The following RGS7BP variants were observed in gnomAD, a reference collection of about 807,000 sequenced individuals.
The protein encoded by RGS7BP is regulator of G protein signaling 7 binding protein, also known as regulator of G protein signaling 7-binding protein.
RGS7BP carries 9 observed loss-of-function variants against 31.3 expected under a neutral mutation model. That is an observed-to-expected ratio of 0.29 (90% CI 0.17 to 0.50). The LOEUF (loss-of-function observed/expected upper bound fraction) is 0.50, where lower values mean the gene tolerates loss of function less well. RGS7BP is among the 20% of genes least tolerant of loss of function. The pLI is 0.98. For synonymous variants in RGS7BP, 115 were observed against 120.1 expected (o/e 0.96, Z 0.28); for missense variants, 274 against 322.0 (o/e 0.85, Z 1.14).
At chr5:64,559,757 G>A (rs1180794237) in intron 2 of RGS7BP, among the ~76,000 whole-genome samples, 1 of 152,150 alleles carries the variant, frequency 6.6e-6, no homozygotes, top group East Asian at 1.9e-4. Context: ...GCCAGGTGCT[G>A]AGCATCCTTC....
In RGS7BP at chr5:64,575,975, G is replaced by A. The variant is rs555715670; in HGVS notation, c.463+71G>A. 844 of 1,369,768 alleles carry A rather than the reference G, an allele frequency of 6.2e-4. 3 individuals are homozygous for A. The highest frequency in any genetic ancestry group is 1.2e-3 in the Middle Eastern group (5 of 4,200). 84.9% of individuals were successfully genotyped at this position (1,369,768 alleles called of 1,614,324 possible). ...AAAGCTAATCTTTGGCAAAGTGTCCGTATATACCATATCATATGCCTATCT... is the reference window on the plus strand; with the variant it reads ...AAAGCTAATCTTTGGCAAAGTGTCCATATATACCATATCATATGCCTATCT... On this transcript the variant is annotated intron_variant, in intron 3 of 5. Transcript: ENST00000334025.
intron 2 of RGS7BP, among the ~76,000 whole-genome samples, chr5:64,562,484 T>A (rs938778195): frequency 1.3e-5 from 2 of 152,082 alleles, no homozygotes; most frequent in African/African-American, 4.8e-5. Flanking sequence ...TTGTAAGTAA[T>A]GAAATTAAGA....
intron 2 of RGS7BP, among the ~76,000 whole-genome samples, chr5:64,514,710 A>T (rs2111882969): frequency 6.6e-6 from 1 of 152,272 alleles, no homozygotes; most frequent in East Asian, 1.9e-4. Context: ...CTAACAATCC[A>T]CACCCGGGGT....
rs116911110 is a variant in RGS7BP, at chr5:64,509,416, T to C, written c.332+1539T>C. Among the ~76,000 whole-genome samples, 93 of 152,274 alleles carry C rather than the reference T, an allele frequency of 6.1e-4. No individual in the cohort carries two copies. In the East Asian group the frequency reaches 0.017, roughly 28 times the overall value. On this transcript the variant is annotated intron_variant, in intron 2 of 5. Transcript: ENST00000334025. ...AATGAGAACATGTTCTAATCAGAGA[T>C]GGTGGGCTGGAGGAATGAACAAGGA...
chr5:64,526,986 G>A (rs1018093286), intron 2 of RGS7BP, among the ~76,000 whole-genome samples: 1 of 152,132 alleles, frequency 6.6e-6, no homozygotes, highest in Non-Finnish European at 1.5e-5. Flanking sequence ...ACATAAAGAA[G>A]CACTTCTCTT....
Position 64,598,064 on chromosome 5 carries a change from G to A in RGS7BP, c.612-301G>A, listed in dbSNP as rs183470623. Among the ~76,000 whole-genome samples, 126 of 152,242 alleles carry A rather than the reference G, an allele frequency of 8.3e-4. 2 individuals are homozygous for A. In the Middle Eastern group the frequency reaches 0.014, roughly 16 times the overall value. On this transcript the variant is annotated intron_variant, in intron 4 of 5. Transcript: ENST00000334025. The stretch of plus-strand genomic sequence containing the variant: ...TTTGCAAATCTAAAGCACTGTCCTC[G>A]TGACCAATGGCTCTTCTCTGATCTC...
At chr5:64,555,927 C>T (rs1741912539) in intron 2 of RGS7BP, among the ~76,000 whole-genome samples, 2 of 152,046 alleles carry the variant, frequency 1.3e-5, no homozygotes, top group African/African-American at 2.4e-5. Flanking sequence ...ATTCCTTAGC[C>T]ACATGAAGCT....
chr5:64,550,464 C>CTTTTATTATATGTTAAG (rs1238954483), intron 2 of RGS7BP, among the ~76,000 whole-genome samples: 2 of 152,200 alleles, frequency 1.3e-5, no homozygotes, highest in African/African-American at 4.8e-5. Context: ...TCTAAATACC[C>CTTTTATTATATGTTAAG]CATCTCCAAA....
At chr5:64,534,156 C>T (rs528141213) in intron 2 of RGS7BP, among the ~76,000 whole-genome samples, 3 of 152,096 alleles carry the variant, frequency 2.0e-5, no homozygotes, top group Non-Finnish European at 4.4e-5. Flanking sequence ...GCCAGCCATG[C>T]GAAGATCTGG....
At chr5:64,524,996 G>A (rs1006568488) in intron 2 of RGS7BP, among the ~76,000 whole-genome samples, 7 of 152,032 alleles carry the variant, frequency 4.6e-5, no homozygotes, top group African/African-American at 1.4e-4. Context: ...TTGAGAAAGT[G>A]CCACTCATAA....
At chr5:64,586,557 C>T (rs1384853464) in intron 3 of RGS7BP, among the ~76,000 whole-genome samples, 1 of 152,316 alleles carries the variant, frequency 6.6e-6, no homozygotes. Context: ...TGGGCCAATG[C>T]CCACTCAATG....
rs111905253 is a variant in RGS7BP at position 64,536,120 on chromosome 5, T to G, written c.332+28243T>G. 4.3e-4 allele frequency among the ~76,000 whole-genome samples: 66 copies of G among 152,266 alleles called. 1 individual carries two copies. Among genetic ancestry groups the G allele is most frequent in the African/African-American group, 1.5e-3 (63 of 41,546 alleles). The stretch of plus-strand genomic sequence containing the variant: ...TCAGAACTGAAGTCCAGAAGTCTCT[T>G]TGGGTAGGTAATATCCTCATTAAAC... On this transcript the variant is annotated intron_variant, in intron 2 of 5. Transcript: ENST00000334025.
intron 3 of RGS7BP, among the ~76,000 whole-genome samples, chr5:64,585,742 A>C: frequency 6.6e-6 from 1 of 152,196 alleles, no homozygotes; most frequent in East Asian, 1.9e-4. Context: ...ATTTTCCTCA[A>C]ACATGCCTAT....
intron 5 of RGS7BP, among the ~76,000 whole-genome samples, chr5:64,600,110 C>A (rs1486344116): frequency 6.6e-6 from 1 of 152,184 alleles, no homozygotes; most frequent in African/African-American, 2.4e-5. Context: ...CTTGAGCCTG[C>A]AATTCAAAGC....
chr5:64,560,582 AT>A lies in RGS7BP; in HGVS notation c.333-15190del, dbSNP rs1580431847. On this transcript the variant is annotated intron_variant, in intron 2 of 5. Coordinates refer to ENST00000334025, the MANE Select transcript of RGS7BP (RefSeq NM_001029875.3). ...ATATATAATCTATCAACAAGTACATATTGTACACTAGAAGTGCATGCTTAAT... is the reference window on the plus strand; with the variant it reads ...ATATATAATCTATCAACAAGTACATATGTACACTAGAAGTGCATGCTTAAT... Among the ~76,000 whole-genome samples, 12 of 151,532 alleles carry A rather than the reference AT, an allele frequency of 7.9e-5. No homozygotes were observed. The East Asian group carries it at 2.3e-3, about 29-fold the overall frequency.
chr5:64,563,892 G>A (rs1406471378), intron 2 of RGS7BP, among the ~76,000 whole-genome samples: 1 of 152,116 alleles, frequency 6.6e-6, no homozygotes, highest in Admixed American at 6.6e-5. Context: ...CACAGCCTGT[G>A]TCTTTTTAGT....
At chr5:64,541,278 A>G (rs936756093) in intron 2 of RGS7BP, among the ~76,000 whole-genome samples, 1 of 152,018 alleles carries the variant, frequency 6.6e-6, no homozygotes, top group Non-Finnish European at 1.5e-5. Flanking sequence ...CTGAGGGAGA[A>G]CTCACTCATT....
chr5:64,539,308 C>T (rs1039891367), intron 2 of RGS7BP, among the ~76,000 whole-genome samples: 54 of 152,020 alleles, frequency 3.6e-4, no homozygotes, highest in African/African-American at 1.3e-3. Context: ...TATTTTTTCC[C>T]AGTTTGAGAT....
At chr5:64,588,810 A>G (rs540243402) in intron 3 of RGS7BP, among the ~76,000 whole-genome samples, 1 of 151,550 alleles carries the variant, frequency 6.6e-6, no homozygotes, top group African/African-American at 2.4e-5. Context: ...TATGGAGAGT[A>G]CTTAAAAAAA....
Sources: allele counts gnomAD v4.1 joint callset (sites outside exome capture counted in the v4.1 genomes callset), GRCh38; gene constraint gnomAD v4.1.1; transcripts MANE v1.5; gene names NCBI Gene and HGNC (gene_info 2026-07-23, HGNC 2026-07-21).